Variants in EYA4 observed in about 807,000 individuals in gnomAD.
EYA4 encodes the protein EYA transcriptional coactivator and phosphatase 4.
EYA4 carries 31 observed loss-of-function variants against 87.9 expected under a neutral mutation model. The ratio of observed to expected loss-of-function variants is 0.35; its 90% CI spans 0.27 to 0.48. The LOEUF (loss-of-function observed/expected upper bound fraction) is 0.48, where lower values mean the gene tolerates loss of function less well. Among genes scored for constraint, EYA4 ranks in the 20% least tolerant of loss-of-function variants. The pLI, the probability that EYA4 is intolerant of heterozygous loss-of-function variation, is 0.99. For synonymous variants in EYA4, 263 were observed against 270.6 expected (o/e 0.97, Z 0.28); for missense variants, 678 against 761.4 (o/e 0.89, Z 1.29).
chr6:133,524,287 T>C (rs1172512278), intron 18 of EYA4, among the ~76,000 whole-genome samples: 1 of 152,228 alleles, frequency 6.6e-6, no homozygotes, highest in Admixed American at 6.5e-5. Context: ...TTCCTTATAT[T>C]CTTTAATCTG....
intron 11 of EYA4, among the ~76,000 whole-genome samples, chr6:133,473,369 A>G (rs1239435008): frequency 6.6e-6 from 1 of 152,100 alleles, no homozygotes; most frequent in African/African-American, 2.4e-5. Flanking sequence ...TCATTTGACA[A>G]GCAGGACAAA....
intron 13 of EYA4, among the ~76,000 whole-genome samples, chr6:133,486,691 G>C (rs1190342983): frequency 1.3e-5 from 2 of 152,212 alleles, no homozygotes; most frequent in African/African-American, 4.8e-5. Context: ...CAAATTAAGA[G>C]AGTGGGAGAA....
chr6:133,243,750 T>C (rs1774180803), intron 1 of EYA4, among the ~76,000 whole-genome samples: 1 of 146,368 alleles, frequency 6.8e-6, no homozygotes, highest in Non-Finnish European at 1.5e-5. Flanking sequence ...CCCCAAAAAA[T>C]ATTTGATACG....
chr6:133,299,943 C>CTATA lies in EYA4; in HGVS notation c.33+25133_33+25134insATAT, dbSNP rs538719811. 5.8e-4 allele frequency among the ~76,000 whole-genome samples: 79 copies of CTATA among 135,888 alleles called. 1 individual carries two copies. Among genetic ancestry groups the CTATA allele is most frequent in the South Asian group, 3.0e-3 (13 of 4,304 alleles). 89.1% of individuals were successfully genotyped at this position (135,888 alleles called of 152,430 possible). A position where few individuals can be genotyped will look rare whatever the true frequency, so the allele number is the denominator to read the frequency against. ...TAAAGATCTCTATCTATCTATCTAT[C>CTATA]TATCTATCTATCTATATATATATAT... On this transcript the variant is annotated intron_variant, in intron 2 of 19. Coordinates refer to ENST00000355286, the MANE Select transcript of EYA4 (RefSeq NM_004100.5).
At chr6:133,430,555 T>G (rs568698005) in intron 3 of EYA4, among the ~76,000 whole-genome samples, 4 of 152,216 alleles carry the variant, frequency 2.6e-5, no homozygotes, top group Non-Finnish European at 5.9e-5. Flanking sequence ...AGATTCTCCA[T>G]CAATCAGATT....
chr6:133,382,062 A>G (rs866964648), intron 2 of EYA4, among the ~76,000 whole-genome samples: 2 of 152,146 alleles, frequency 1.3e-5, no homozygotes, highest in African/African-American at 2.4e-5. Context: ...CAGTTGGAAA[A>G]ACATTTCTTA....
At chr6:133,433,354 A>C (rs1275613651) in intron 3 of EYA4, among the ~76,000 whole-genome samples, 1 of 152,242 alleles carries the variant, frequency 6.6e-6, no homozygotes, top group Admixed American at 6.5e-5. Context: ...AGCCAAGCGC[A>C]TGCCAGAGGC....
intron 2 of EYA4, among the ~76,000 whole-genome samples, chr6:133,358,008 G>A (rs751800692): frequency 4.6e-5 from 7 of 151,734 alleles, no homozygotes; most frequent in South Asian, 2.1e-4. Flanking sequence ...GTCTTGCTAC[G>A]GTATAATATT....
chr6:133,264,795 C>A (rs1456303393), intron 1 of EYA4, among the ~76,000 whole-genome samples: 1 of 152,134 alleles, frequency 6.6e-6, no homozygotes, highest in African/African-American at 2.4e-5. Context: ...TTAGCCAGAG[C>A]AAAGCATGCC....
Position 133,359,989 on chromosome 6 carries a change from G to A in EYA4, c.34-22403G>A, listed in dbSNP as rs1784337508. On this transcript the variant is annotated intron_variant, in intron 2 of 19. Coordinates refer to ENST00000355286, the MANE Select transcript of EYA4 (RefSeq NM_004100.5). ...CAGAGAAAGAACGCTATGTACATCT[G>A]GAAGGCAGGCTGCATCTGAAGAAGG... Among the ~76,000 whole-genome samples the A allele has an allele frequency of 2.0e-5, 3 of 152,156 alleles. No individual in the cohort carries two copies. In the South Asian group the frequency reaches 6.2e-4, roughly 32 times the overall value.
At chr6:133,420,445 C>A (rs1446834124) in intron 3 of EYA4, among the ~76,000 whole-genome samples, 2 of 152,188 alleles carry the variant, frequency 1.3e-5, no homozygotes, top group Non-Finnish European at 2.9e-5. Context: ...CTCCATCTTC[C>A]TTGTTAGGAC....
intron 1 of EYA4, among the ~76,000 whole-genome samples, chr6:133,264,425 G>C (rs771717005): frequency 2.6e-5 from 4 of 152,242 alleles, no homozygotes; most frequent in Non-Finnish European, 5.9e-5. Flanking sequence ...GTTGCACTGT[G>C]AACGGTAACG....
At chr6:133,287,916 C>T (rs1442435339) in intron 2 of EYA4, among the ~76,000 whole-genome samples, 2 of 152,056 alleles carry the variant, frequency 1.3e-5, no homozygotes, top group African/African-American at 4.8e-5. Flanking sequence ...GGGCGGATCA[C>T]CTGAGGTCAG....
intron 2 of EYA4, among the ~76,000 whole-genome samples, chr6:133,289,968 T>C (rs1304643514): frequency 6.6e-6 from 1 of 152,218 alleles, no homozygotes; most frequent in African/African-American, 2.4e-5. Context: ...CTACTTACTT[T>C]GCTTTGCTTT....
chr6:133,288,549 A>G (rs1291623851), intron 2 of EYA4, among the ~76,000 whole-genome samples: 2 of 152,144 alleles, frequency 1.3e-5, no homozygotes, highest in African/African-American at 4.8e-5. Flanking sequence ...TTTTGAGAAC[A>G]TGTTAAACTA....
intron 5 of EYA4, among the ~76,000 whole-genome samples, chr6:133,449,011 A>G (rs1793141367): frequency 6.6e-6 from 1 of 152,212 alleles, no homozygotes; most frequent in African/African-American, 2.4e-5. Context: ...CTACTTCAAT[A>G]TGCTCATTAT....
rs970817710 is a variant in EYA4, at chr6:133,323,905, G to A, written c.33+49092G>A. 7.9e-5 allele frequency among the ~76,000 whole-genome samples: 12 copies of A among 152,042 alleles called. No individual in the cohort carries two copies. The East Asian group carries it at 1.5e-3, about 20-fold the overall frequency. ...TTCTTAATATAGGTCCATAAGAAGT[G>A]GCATGATGTAATATCTGGATATCTG... On this transcript the variant is annotated intron_variant, in intron 2 of 19. Coordinates refer to ENST00000355286, the MANE Select transcript of EYA4 (RefSeq NM_004100.5).
intron 2 of EYA4, among the ~76,000 whole-genome samples, chr6:133,318,405 G>A (rs1445201734): frequency 2.6e-5 from 4 of 152,190 alleles, no homozygotes; most frequent in Admixed American, 2.6e-4. Flanking sequence ...TGTTAAAACT[G>A]TGATTTGCCG....
chr6:133,366,131 A>G (rs973984318), intron 2 of EYA4, among the ~76,000 whole-genome samples: 1 of 152,270 alleles, frequency 6.6e-6, no homozygotes, highest in South Asian at 2.1e-4. Context: ...AGAGAAGTGA[A>G]CAGATTTGAG....
Sources: gnomAD v4.1 joint callset for allele counts (sites outside exome capture counted in the v4.1 genomes callset) on GRCh38, gnomAD v4.1.1 for gene constraint, MANE v1.5 for transcripts, NCBI Gene and HGNC (gene_info 2026-07-23, HGNC 2026-07-21) for gene names.